The following NRG1 variants were observed in gnomAD, a reference collection of about 807,000 sequenced individuals.
The protein encoded by NRG1 is pro-neuregulin-1, membrane-bound isoform.
NRG1 carries 18 observed loss-of-function variants against 63.8 expected under a neutral mutation model. The ratio of observed to expected loss-of-function variants is 0.28; its 90% CI spans 0.19 to 0.42. The LOEUF (loss-of-function observed/expected upper bound fraction) is 0.42. NRG1 is among the 10% of genes least tolerant of loss of function. The pLI is 1.00. For missense variants in NRG1, 762 were observed against 814.7 expected (o/e 0.94, Z 0.79); for synonymous variants, 302 against 301.3 (o/e 1.00, Z -0.02).
chr8:31,962,835 G>A (rs879671297), intron 1 of NRG1, among the ~76,000 whole-genome samples: 1 of 152,122 alleles, frequency 6.6e-6, no homozygotes, highest in African/African-American at 2.4e-5. Context: ...AAGCTTGGGA[G>A]CTATATCTAT....
intron 1 of NRG1, among the ~76,000 whole-genome samples, chr8:32,236,301 A>G (rs1847556024): frequency 6.6e-6 from 1 of 152,160 alleles, no homozygotes; most frequent in African/African-American, 2.4e-5. Context: ...AAATTATGAT[A>G]TTAAAGAAAA....
At chr8:31,993,150 G>A (rs1241859078) in intron 1 of NRG1, among the ~76,000 whole-genome samples, 3 of 152,002 alleles carry the variant, frequency 2.0e-5, no homozygotes, top group Non-Finnish European at 4.4e-5. Flanking sequence ...GTTGACTCGA[G>A]TAGAGGGTGG....
At chr8:32,509,914 A>G (rs757868309) in intron 1 of NRG1, among the ~76,000 whole-genome samples, 6 of 152,068 alleles carry the variant, frequency 3.9e-5, no homozygotes, top group Non-Finnish European at 8.8e-5. Context: ...CTCTCCTTTC[A>G]TTCAGACCCT....
intron 5 of NRG1, chr8:32,647,511 T>C: frequency 1.0e-6 from 1 of 985,376 alleles, no homozygotes; most frequent in Non-Finnish European, 1.2e-6. Context: ...GCTTAAAGAA[T>C]TATTACGATA....
chr8:32,615,658 A>G (rs989233688), intron 4 of NRG1, among the ~76,000 whole-genome samples: 4 of 151,988 alleles, frequency 2.6e-5, no homozygotes, highest in African/African-American at 7.2e-5. Context: ...TTTCCATCTT[A>G]CCTCCATCAT....
chr8:32,216,970 T>C (rs1379383356), intron 1 of NRG1, among the ~76,000 whole-genome samples: 2 of 152,004 alleles, frequency 1.3e-5, no homozygotes, highest in Non-Finnish European at 2.9e-5. Context: ...CCCTGCACTT[T>C]GGGAGACCAA....
chr8:31,662,673 G>A (rs1464112919), intron 1 of NRG1, among the ~76,000 whole-genome samples: 1 of 152,188 alleles, frequency 6.6e-6, no homozygotes, highest in Non-Finnish European at 1.5e-5. Flanking sequence ...ATAGGTGCTA[G>A]CAGAGACTCG....
chr8:32,588,191 G>C (rs1841953749), intron 1 of NRG1, among the ~76,000 whole-genome samples: 1 of 152,122 alleles, frequency 6.6e-6, no homozygotes, highest in Admixed American at 6.6e-5. Flanking sequence ...CAAAGAGCTG[G>C]GATTGCAGGT....
At chr8:31,817,308 G>C (rs1048976117) in intron 1 of NRG1, among the ~76,000 whole-genome samples, 2 of 152,196 alleles carry the variant, frequency 1.3e-5, no homozygotes, top group Admixed American at 1.3e-4. Flanking sequence ...TCCTAACAGG[G>C]CTCCCTGGAC....
intron 1 of NRG1, among the ~76,000 whole-genome samples, chr8:31,763,729 T>A (rs1348698106): frequency 6.6e-6 from 1 of 152,184 alleles, no homozygotes; most frequent in Non-Finnish European, 1.5e-5. Context: ...GGCGGGCAGA[T>A]CACGAGGTCA....
At chr8:32,027,897 G>A (rs1476176620) in intron 1 of NRG1, among the ~76,000 whole-genome samples, 1 of 152,080 alleles carries the variant, frequency 6.6e-6, no homozygotes, top group Non-Finnish European at 1.5e-5. Flanking sequence ...ATTTCATTCC[G>A]GGTAGGAGCA....
intron 1 of NRG1, among the ~76,000 whole-genome samples, chr8:32,507,882 G>C (rs1228816473): frequency 1.3e-5 from 2 of 152,134 alleles, no homozygotes; most frequent in Non-Finnish European, 2.9e-5. Context: ...ATTTTTAGTA[G>C]AGATGGGGTT....
At chr8:32,706,802 T>A (rs1027620505) in intron 5 of NRG1, among the ~76,000 whole-genome samples, 12 of 152,126 alleles carry the variant, frequency 7.9e-5, no homozygotes, top group Admixed American at 6.5e-4. Context: ...TTTCACCAAA[T>A]ATTAGCCACA....
intron 1 of NRG1, among the ~76,000 whole-genome samples, chr8:32,354,799 TTA>T (rs1491330061): frequency 0.01 from 1,376 of 134,644 alleles, 19 homozygotes; most frequent in African/African-American, 0.027. Context: ...GCTGCTTTTT[TTA>T]AAAAAAAAAA....
chr8:31,996,919 A>AG (rs961845403), intron 1 of NRG1, among the ~76,000 whole-genome samples: 3 of 151,950 alleles, frequency 2.0e-5, no homozygotes, highest in Non-Finnish European at 2.9e-5. Context: ...ATCTCTACTA[A>AG]GGGGGGGTGG....
rs886526748 is a variant in NRG1, at chr8:31,691,455, C to T, written c.37+52024C>T. Among the ~76,000 whole-genome samples the T allele has an allele frequency of 4.0e-5, 6 of 151,688 alleles. No individual in the cohort carries two copies. In the South Asian group the frequency reaches 6.3e-4, roughly 16 times the overall value. ...CTAAAAATACAAAAAATTAGCTGGG[C>T]GCAGTGGCGGGCAACTGTAGTCCCA... On this transcript the variant is annotated intron_variant, in intron 1 of 10. Coordinates refer to the NRG1 transcript ENST00000519301.
chr8:31,885,585 G>C (rs10090165), intron 1 of NRG1, among the ~76,000 whole-genome samples: 5,989 of 152,148 alleles, frequency 0.039, 419 homozygotes, highest in African/African-American at 0.14. Flanking sequence ...TTCCCGCAGT[G>C]GCACTCTCAT....
intron 1 of NRG1, among the ~76,000 whole-genome samples, chr8:32,401,300 G>A (rs890304570): frequency 6.6e-6 from 1 of 151,934 alleles, no homozygotes; most frequent in South Asian, 2.1e-4. Context: ...TAAAATACAA[G>A]TTAAAAAATA....
At chr8:32,040,579 T>TTG (rs34347522) in intron 1 of NRG1, among the ~76,000 whole-genome samples, 2 of 147,854 alleles carry the variant, frequency 1.4e-5, no homozygotes, top group East Asian at 2.0e-4. Flanking sequence ...GTTTGTCTGG[T>TTG]TGTGTGTGTG....
Sources: allele counts gnomAD v4.1 joint callset (sites outside exome capture counted in the v4.1 genomes callset), GRCh38; gene constraint gnomAD v4.1.1; transcripts MANE v1.5; gene names NCBI Gene and HGNC (gene_info 2026-07-23, HGNC 2026-07-21).